The following BEND3 variants were observed in gnomAD, a reference collection of about 807,000 sequenced individuals.
BEND3 encodes the protein BEN domain containing 3.
A neutral mutation model predicts 60.1 loss-of-function variants in BEND3; 13 were observed. That is an observed-to-expected ratio of 0.22 (90% CI 0.14 to 0.34). The LOEUF (loss-of-function observed/expected upper bound fraction) is 0.34, where lower values mean the gene tolerates loss of function less well. Ranked by LOEUF, BEND3 falls within the 10% of genes least tolerant of loss-of-function variation. The probability of loss-of-function intolerance (pLI) is 1.00; values close to 1 mark genes in which losing one functional copy is unlikely to be tolerated. For synonymous variants in BEND3, 497 were observed against 491.5 expected (o/e 1.01, Z -0.15); for missense variants, 896 against 1,138.1 (o/e 0.79, Z 3.06).
At position 107,069,802 on chromosome 6, in the gene BEND3, C is replaced by T. The variant is rs782214420; in HGVS notation, c.1389G>A (p.Gln463=). The change falls in exon 4 of 4, where the codon CAG becomes CAA. Residue 463 remains glutamine (Q), a synonymous_variant. Coordinates refer to ENST00000369042, the MANE Select transcript of BEND3 (RefSeq NM_001367314.1). Reference sequence around the variant, plus strand: ...ACTGCTGCAGCCAGGCCTCCTCCTCCTGCATGTCAGGGAAGTAGATCTCCG... The same window carrying T: ...ACTGCTGCAGCCAGGCCTCCTCCTCTTGCATGTCAGGGAAGTAGATCTCCG... The part of the protein sequence containing the change: ...NYTEIYFPDM[Q]EEEAWLQQCA... 4.6e-5 allele frequency: 75 copies of T among 1,613,410 alleles called. No homozygotes were observed. Among genetic ancestry groups the T allele is most frequent in the Non-Finnish European group, 6.4e-5 (75 of 1,179,968 alleles).
In BEND3 at chr6:107,068,670, G is replaced by A; in HGVS notation, c.*34C>T. ...CAAGGGTGCCCATCGCTCAGCCTCT[G>A]GTGACCCCGAATCTCTGGGCAGGTC... is the stretch of plus-strand genomic sequence containing the variant. On this transcript the variant is annotated 3_prime_UTR_variant, in exon 4 of 4. Transcript: ENST00000369042. The surrounding 1 kb of genome is among the most constrained non-coding windows in gnomAD (Gnocchi z 5.8). 1.3e-6 allele frequency: 2 copies of A among 1,593,338 alleles called. No homozygotes were observed. Among genetic ancestry groups the A allele is most frequent in the East Asian group, 2.2e-5 (1 of 44,860 alleles).
rs1774854034 is a variant in BEND3 at position 107,067,336 on chromosome 6, G to A, written c.*1368C>T. ...TTCGACTGTTTCCTTTCCCTCTTAAGCATTTGGCCCCCAGAGTTAGGTAGG... is the reference window on the plus strand; with the variant it reads ...TTCGACTGTTTCCTTTCCCTCTTAAACATTTGGCCCCCAGAGTTAGGTAGG... On this transcript the variant is annotated 3_prime_UTR_variant, in exon 4 of 4. Transcript: ENST00000369042. The A allele has an allele frequency of 6.6e-6, 1 of 152,164 alleles. No homozygotes were observed. Among genetic ancestry groups the A allele is most frequent in the African/African-American group, 2.4e-5 (1 of 41,418 alleles). The allele number at this position is 152,164 out of a possible 1,614,324, so 9.4% of individuals were successfully genotyped here.
intron 3 of BEND3, among the ~76,000 whole-genome samples, chr6:107,092,227 C>A (rs2593787): frequency 0.89 from 135,322 of 151,826 alleles, 60,476 homozygotes; most frequent in East Asian, 0.95. Flanking sequence ...ACTGCACTCC[C>A]GCCTAGGAGA....
At position 107,107,005 on chromosome 6, in the gene BEND3, C is replaced by T. The variant is rs367831586; in HGVS notation, c.-11-7709G>A. Among the ~76,000 whole-genome samples, 61 of 145,122 alleles carry T rather than the reference C, an allele frequency of 4.2e-4. 2 individuals are homozygous for T. The South Asian group carries it at 0.01, about 24-fold the overall frequency. On this transcript the variant is annotated intron_variant, in intron 1 of 3. Transcript: ENST00000369042. ...AGACTGGAGTGCAGTGGCACAATTT[C>T]GGCTCACTGCAACCTCTGCCTCCCG...
intron 3 of BEND3, among the ~76,000 whole-genome samples, chr6:107,097,193 C>T (rs1775603077): frequency 6.6e-6 from 1 of 151,344 alleles, no homozygotes; most frequent in Non-Finnish European, 1.5e-5. Context: ...ATGAAGAAAC[C>T]CTGTCTCTAC....
At chr6:107,106,313 A>G (rs1775812482) in intron 1 of BEND3, among the ~76,000 whole-genome samples, 2 of 152,160 alleles carry the variant, frequency 1.3e-5, no homozygotes, top group African/African-American at 4.8e-5. Flanking sequence ...TGCCCAAGGG[A>G]TGCAGCTGAG....
chr6:107,094,128 T>C (rs1775533111), intron 3 of BEND3, among the ~76,000 whole-genome samples: 1 of 152,182 alleles, frequency 6.6e-6, no homozygotes, highest in Non-Finnish European at 1.5e-5. Context: ...CCCGGCACTT[T>C]CGAAGGCTTC....
Position 107,066,191 on chromosome 6 carries a change from C to G in BEND3, c.*2513G>C, listed in dbSNP as rs752844849. On this transcript the variant is annotated 3_prime_UTR_variant, in exon 4 of 4. Coordinates refer to ENST00000369042, the MANE Select transcript of BEND3 (RefSeq NM_001367314.1). ...GCGACTGCCAACAGGTTTCATGGAA[C>G]ACATTAAATTTTGAAAAAATAAGTA... is the stretch of plus-strand genomic sequence containing the variant. The G allele has an allele frequency of 4.6e-5, 7 of 150,950 alleles. No homozygotes were observed. Among genetic ancestry groups the G allele is most frequent in the Non-Finnish European group, 8.8e-5 (6 of 67,886 alleles). The allele number at this position is 150,950 out of a possible 1,614,324, so 9.4% of individuals were successfully genotyped here. A position where few individuals can be genotyped will look rare whatever the true frequency, so the allele number is the denominator to read the frequency against.
intron 3 of BEND3, among the ~76,000 whole-genome samples, chr6:107,091,432 G>A (rs1554235215): frequency 6.6e-6 from 1 of 152,140 alleles, no homozygotes; most frequent in East Asian, 1.9e-4. Context: ...CTAAGTTAGA[G>A]AGAGAAAGAG....
At chr6:107,081,341 C>T (rs1435908427) in intron 3 of BEND3, among the ~76,000 whole-genome samples, 5 of 151,970 alleles carry the variant, frequency 3.3e-5, no homozygotes, top group Admixed American at 3.3e-4. Context: ...CTGCCTTAGC[C>T]TTCCGAGTAA....
chr6:107,108,411 G>T (rs1374955453), intron 1 of BEND3, among the ~76,000 whole-genome samples: 1 of 152,178 alleles, frequency 6.6e-6, no homozygotes, highest in East Asian at 1.9e-4. Flanking sequence ...AGAAGCTGAG[G>T]CTCAAGGTGG....
chr6:107,074,143 C>T (rs782523188), intron 3 of BEND3, among the ~76,000 whole-genome samples: 8 of 152,138 alleles, frequency 5.3e-5, no homozygotes, highest in Non-Finnish European at 1.2e-4. Flanking sequence ...TGGCCGGGTG[C>T]GGTGGCTCAT....
intron 1 of BEND3, among the ~76,000 whole-genome samples, chr6:107,113,614 C>A (rs1244373182): frequency 6.6e-6 from 1 of 152,022 alleles, no homozygotes. Flanking sequence ...ACGCACTGAA[C>A]GCCTACTAAG....
Position 107,069,225 on chromosome 6 carries a change from G to A in BEND3, c.1966C>T (p.Gln656Ter). ...CCCGGCACGTGGACCTTGCGCTGCT[G>A]CTGGTAGGAGCGCCTTTGCTCCGTG... ...RDTEQRRSYQQQRKVHVPGPE... is the reference protein window; with the variant it reads ...RDTEQRRSYQ Residue 656 changes from glutamine to a stop codon, truncating the protein, a stop_gained, in exon 4 of 4, where the codon CAG becomes TAG. Transcript: ENST00000369042. LOFTEE classifies it high-confidence loss of function. 1 of 1,612,072 alleles carries A rather than the reference G, an allele frequency of 6.2e-7. No individual in the cohort carries two copies. Among genetic ancestry groups the A allele is most frequent in the Non-Finnish European group, 8.5e-7 (1 of 1,179,760 alleles).
At chr6:107,089,814 C>T (rs1474341347) in intron 3 of BEND3, among the ~76,000 whole-genome samples, 7 of 150,130 alleles carry the variant, frequency 4.7e-5, no homozygotes, top group African/African-American at 1.5e-4. Flanking sequence ...AGGCTGGTCT[C>T]GAACTCCTGA....
In BEND3 at chr6:107,069,253, C is replaced by A; in HGVS notation, c.1938G>T (p.Arg646=). Residue 646 remains arginine, a synonymous_variant, in exon 4 of 4, where the codon CGG becomes CGT. Transcript: ENST00000369042. ...VGKLDERCRR[R]DTEQRRSYQQ... ...GGTAGGAGCGCCTTTGCTCCGTGTC[C>A]CGGCGCCGGCAGCGCTCATCCAGTT... 1 of 1,611,358 alleles carries A rather than the reference C, an allele frequency of 6.2e-7. No homozygotes were observed. Among genetic ancestry groups the A allele is most frequent in the Non-Finnish European group, 8.5e-7 (1 of 1,179,104 alleles).
chr6:107,098,257 G>A lies in BEND3; in HGVS notation c.240+294C>T, dbSNP rs142499108. Among the ~76,000 whole-genome samples the A allele has an allele frequency of 2.9e-3, 442 of 152,290 alleles. 13 individuals are homozygous for A. The highest frequency in any genetic ancestry group is 0.025 in the Admixed American group (378 of 15,288). On this transcript the variant is annotated intron_variant, in intron 3 of 3. Transcript: ENST00000369042. The stretch of plus-strand genomic sequence containing the variant: ...CAAGTGTGGTAGGCTTACGTTAACC[G>A]TCCTCACTATCAGCAAGCTCCTGCT...
chr6:107,093,575 G>C (rs146171352), intron 3 of BEND3, among the ~76,000 whole-genome samples: 1 of 152,210 alleles, frequency 6.6e-6, no homozygotes, highest in East Asian at 1.9e-4. Context: ...TAAACAAATA[G>C]ATCAATAGAA....
intron 1 of BEND3, among the ~76,000 whole-genome samples, chr6:107,106,472 G>C (rs1554237511): frequency 3.3e-5 from 5 of 152,192 alleles, no homozygotes. Context: ...AGGTGCATGA[G>C]CAAGTCAACA....
Sources: gnomAD v4.1 joint callset for allele counts (sites outside exome capture counted in the v4.1 genomes callset) on GRCh38, gnomAD v4.1.1 for gene constraint, Gnocchi (gnomAD v3.1) non-coding constraint, MANE v1.5 for transcripts, NCBI Gene and HGNC (gene_info 2026-07-23, HGNC 2026-07-21) for gene names.